Variants in SLC16A12 observed in about 807,000 individuals in gnomAD.
The protein encoded by SLC16A12 is monocarboxylate transporter 12.
Under a neutral mutation model 42.4 loss-of-function variants are expected in SLC16A12, and 17 were observed. The observed-to-expected ratio is 0.40, with a 90% CI of 0.27 to 0.60. The LOEUF (loss-of-function observed/expected upper bound fraction) is 0.60. Among genes scored for constraint, SLC16A12 ranks in the 20% least tolerant of loss-of-function variants. The pLI is 0.42. For missense variants in SLC16A12, 544 were observed against 623.0 expected, an observed-to-expected ratio of 0.87 and a Z score of 1.35; for synonymous variants, 224 against 229.4, an observed-to-expected ratio of 0.98 and a Z score of 0.21.
rs566621962 is a variant in SLC16A12 at position 89,507,025 on chromosome 10, G to GA, written c.-47+27475dup. On this transcript the variant is annotated intron_variant, in intron 2 of 7. Coordinates refer to ENST00000371790, the MANE Select transcript of SLC16A12 (RefSeq NM_213606.4). ...AATAAAGCAAGAAGACAAGATTAGA[G>GA]AAAAAAGAGTGAAAAGAAATGAAAA... Among the ~76,000 whole-genome samples, 37 of 152,076 alleles carry GA rather than the reference G, an allele frequency of 2.4e-4. 2 individuals carry two copies. The South Asian group carries it at 6.0e-3, about 25-fold the overall frequency.
intron 2 of SLC16A12, among the ~76,000 whole-genome samples, chr10:89,526,220 T>C (rs1361940152): frequency 2.6e-5 from 4 of 152,040 alleles, no homozygotes; most frequent in Admixed American, 2.6e-4. Flanking sequence ...AATTAAAATA[T>C]GAAATGCAAA....
At chr10:89,455,180 G>A (rs766728776) in intron 3 of SLC16A12, among the ~76,000 whole-genome samples, 9 of 152,064 alleles carry the variant, frequency 5.9e-5, no homozygotes, top group Non-Finnish European at 1.2e-4. Flanking sequence ...TCCACAAGAG[G>A]GAGATGCAGA....
chr10:89,440,831 G>C (rs1841895771), intron 5 of SLC16A12, among the ~76,000 whole-genome samples: 1 of 152,142 alleles, frequency 6.6e-6, no homozygotes, highest in Non-Finnish European at 1.5e-5. Flanking sequence ...GTAATATCTT[G>C]TTTCTTCTGA....
At chr10:89,466,501 G>A (rs570599339) in intron 2 of SLC16A12, among the ~76,000 whole-genome samples, 1 of 152,278 alleles carries the variant, frequency 6.6e-6, no homozygotes, top group South Asian at 2.1e-4. Context: ...ATAGTCAAAT[G>A]AGAGCACCCA....
At chr10:89,451,497 C>T (rs1245057243) in intron 3 of SLC16A12, among the ~76,000 whole-genome samples, 7 of 152,108 alleles carry the variant, frequency 4.6e-5, no homozygotes, top group South Asian at 2.1e-4. Flanking sequence ...CTGCAACCTC[C>T]GCCTCCCAGG....
intron 2 of SLC16A12, among the ~76,000 whole-genome samples, chr10:89,521,760 T>C (rs1479264427): frequency 6.6e-6 from 1 of 152,234 alleles, no homozygotes; most frequent in Non-Finnish European, 1.5e-5. Context: ...CTTTCAATTG[T>C]AATCTGGCTG....
intron 2 of SLC16A12, among the ~76,000 whole-genome samples, chr10:89,483,737 C>G (rs1842703581): frequency 1.0e-5 from 1 of 96,516 alleles, no homozygotes; most frequent in Non-Finnish European, 1.9e-5. Flanking sequence ...GACGCTGCCT[C>G]TAAAAAAAAA....
At chr10:89,504,239 A>G (rs1343680907) in intron 2 of SLC16A12, among the ~76,000 whole-genome samples, 1 of 152,216 alleles carries the variant, frequency 6.6e-6, no homozygotes, top group Non-Finnish European at 1.5e-5. Flanking sequence ...AAACAAAACA[A>G]AAAAAGCTCC....
intron 2 of SLC16A12, among the ~76,000 whole-genome samples, chr10:89,512,269 C>G (rs1040361847): frequency 1.3e-5 from 2 of 152,184 alleles, no homozygotes; most frequent in African/African-American, 4.8e-5. Flanking sequence ...GAACATACTT[C>G]TGACATAGTG....
chr10:89,522,293 C>G, intron 2 of SLC16A12, among the ~76,000 whole-genome samples: 1 of 152,170 alleles, frequency 6.6e-6, no homozygotes, highest in East Asian at 1.9e-4. Context: ...GGTTTTCAAC[C>G]CCCTTGAGCC....
intron 2 of SLC16A12, among the ~76,000 whole-genome samples, chr10:89,548,088 G>C (rs1474882809): frequency 6.6e-6 from 1 of 152,114 alleles, no homozygotes; most frequent in Non-Finnish European, 1.5e-5. Context: ...AAGGAAGGCA[G>C]TCTTGTTAAA....
rs79923303 is a variant in SLC16A12 at position 89,483,729 on chromosome 10, C to T, written c.-46-21105G>A. Among the ~76,000 whole-genome samples the T allele has an allele frequency of 7.1e-3, 955 of 134,358 alleles. 8 individuals carry two copies. Among genetic ancestry groups the T allele is most frequent in the African/African-American group, 0.026 (887 of 34,354 alleles). The allele number at this position is 134,358 out of a possible 152,430, so 88.1% of individuals were successfully genotyped here. A position where few individuals can be genotyped will look rare whatever the true frequency, so the allele number is the denominator to read the frequency against. The stretch of plus-strand genomic sequence containing the variant: ...CTCCAGCCTTGGCAACATAGTGAGA[C>T]GCTGCCTCTAAAAAAAAAAAAAAAC... On this transcript the variant is annotated intron_variant, in intron 2 of 7. Coordinates refer to ENST00000371790, the MANE Select transcript of SLC16A12 (RefSeq NM_213606.4).
intron 2 of SLC16A12, among the ~76,000 whole-genome samples, chr10:89,549,326 A>G (rs1843757735): frequency 1.3e-5 from 2 of 152,244 alleles, no homozygotes; most frequent in African/African-American, 4.8e-5. Flanking sequence ...GTACACCTCA[A>G]GTGCTATACC....
At chr10:89,527,462 G>C (rs1255000718) in intron 2 of SLC16A12, among the ~76,000 whole-genome samples, 1 of 151,384 alleles carries the variant, frequency 6.6e-6, no homozygotes, top group Non-Finnish European at 1.5e-5. Flanking sequence ...CAGTCTGGGT[G>C]AAAGAGTGAG....
upstream of SLC16A12, among the ~76,000 whole-genome samples, chr10:89,538,913 A>G (rs1422406332): frequency 6.6e-6 from 1 of 152,202 alleles, no homozygotes; most frequent in East Asian, 1.9e-4. Context: ...TTTGGCAATA[A>G]CGTCCCTTCC....
At chr10:89,439,908 C>CA (rs960701137) in intron 5 of SLC16A12, among the ~76,000 whole-genome samples, 29 of 146,888 alleles carry the variant, frequency 2.0e-4, no homozygotes, top group Admixed American at 2.7e-4. Flanking sequence ...CCCATCTCTG[C>CA]AAAAAAAAAT....
At chr10:89,485,225 A>T (rs1842727230) in intron 2 of SLC16A12, among the ~76,000 whole-genome samples, 1 of 152,258 alleles carries the variant, frequency 6.6e-6, no homozygotes, top group Non-Finnish European at 1.5e-5. Context: ...CATCTAGGGC[A>T]CAGAGGCCAG....
intron 2 of SLC16A12, among the ~76,000 whole-genome samples, chr10:89,485,804 T>G (rs541523911): frequency 6.8e-6 from 1 of 148,076 alleles, no homozygotes; most frequent in East Asian, 2.0e-4. Flanking sequence ...AGGTGCACAC[T>G]GGGGAAGTTA....
chr10:89,556,543 C>A, exon 1 of SLC16A12: 1 of 152,360 alleles, frequency 6.6e-6, no homozygotes, highest in Non-Finnish European at 1.5e-5. Flanking sequence ...CCTCCTTTCA[C>A]CTATTTCTTT....
Sources: allele counts gnomAD v4.1 joint callset (sites outside exome capture counted in the v4.1 genomes callset), GRCh38; gene constraint gnomAD v4.1.1; transcripts MANE v1.5; gene names NCBI Gene and HGNC (gene_info 2026-07-23, HGNC 2026-07-21).